The following SSH2 variants were observed in gnomAD, a reference collection of about 807,000 sequenced individuals.
The protein encoded by SSH2 is slingshot protein phosphatase 2.
A neutral mutation model predicts 135.2 loss-of-function variants in SSH2; 37 were observed. That is an observed-to-expected ratio of 0.27 (90% CI 0.21 to 0.36). The LOEUF (loss-of-function observed/expected upper bound fraction) is 0.36. Ranked by LOEUF, SSH2 falls within the 10% of genes least tolerant of loss-of-function variation. SSH2 has a pLI of 1.00. For missense variants in SSH2, 1,408 were observed against 1,765.3 expected, an observed-to-expected ratio of 0.80 and a Z score of 3.63; for synonymous variants, 628 against 646.2, an observed-to-expected ratio of 0.97 and a Z score of 0.43.
chr17:29,814,835 T>A (rs1024122896), intron 2 of SSH2, among the ~76,000 whole-genome samples: 1 of 152,122 alleles, frequency 6.6e-6, no homozygotes, highest in Admixed American at 6.5e-5. Flanking sequence ...TACTTTCTTA[T>A]ATATGACCAT....
chr17:29,769,125 A>G (rs1446613383), intron 3 of SSH2, among the ~76,000 whole-genome samples: 2 of 152,220 alleles, frequency 1.3e-5, no homozygotes, highest in East Asian at 1.9e-4. Flanking sequence ...CTATGATTCT[A>G]TTATTATCTC....
intron 11 of SSH2, among the ~76,000 whole-genome samples, chr17:29,661,135 A>G (rs1204782590): frequency 6.6e-6 from 1 of 151,272 alleles, no homozygotes; most frequent in Non-Finnish European, 1.5e-5. Flanking sequence ...TATCTCATCC[A>G]TAGCACTTGG....
intron 4 of SSH2, among the ~76,000 whole-genome samples, chr17:29,700,765 G>A (rs892870028): frequency 2.0e-5 from 3 of 152,098 alleles, no homozygotes; most frequent in Admixed American, 2.0e-4. Context: ...AAGTAATTCT[G>A]AATAAGATTC....
Position 29,725,217 on chromosome 17 carries a change from C to A in SSH2, c.189-22155G>T, listed in dbSNP as rs189745460. Among the ~76,000 whole-genome samples, 32 of 151,336 alleles carry A rather than the reference C, an allele frequency of 2.1e-4. 2 individuals carry two copies. In the East Asian group the frequency reaches 4.5e-3, roughly 21 times the overall value. ...AAAAAATTAGCCGGGCATGGTGGTG[C>A]GTGCCTGTAGTCCCAGCTACTCAGG... is the stretch of plus-strand genomic sequence containing the variant. On this transcript the variant is annotated intron_variant, in intron 3 of 15. Coordinates refer to ENST00000540801, the MANE Select transcript of SSH2 (RefSeq NM_001282129.2).
intron 3 of SSH2, among the ~76,000 whole-genome samples, chr17:29,712,066 G>A (rs1030369406): frequency 6.6e-6 from 1 of 152,188 alleles, no homozygotes; most frequent in African/African-American, 2.4e-5. Flanking sequence ...TATGTAAAAT[G>A]TACACTGGTT....
intron 2 of SSH2, among the ~76,000 whole-genome samples, chr17:29,835,089 C>T (rs1427510614): frequency 6.6e-6 from 1 of 152,170 alleles, no homozygotes; most frequent in Non-Finnish European, 1.5e-5. Flanking sequence ...AGGTAAGATG[C>T]ATATATGACT....
chr17:29,689,343 T>C (rs1028880383), intron 5 of SSH2, among the ~76,000 whole-genome samples: 3 of 152,200 alleles, frequency 2.0e-5, no homozygotes, highest in Admixed American at 6.5e-5. Context: ...AAATTTAAAA[T>C]GGCAATTTTG....
chr17:29,770,092 G>GTT (rs563803251), intron 3 of SSH2, among the ~76,000 whole-genome samples: 4,079 of 72,586 alleles, frequency 0.056, 395 homozygotes, highest in African/African-American at 0.14. Flanking sequence ...GCTATATTTA[G>GTT]TTTTTTTTTT....
Position 29,666,969 on chromosome 17 carries a change from C to T in SSH2, c.930G>A (p.Met310Ile). 2 of 1,614,048 alleles carry T rather than the reference C, an allele frequency of 1.2e-6. No individual in the cohort carries two copies. The highest frequency in any genetic ancestry group is 1.7e-6 in the Non-Finnish European group (2 of 1,179,972). Residue 310 changes from methionine (M) to isoleucine (I), a missense_variant, in exon 11 of 16, where the codon ATG (methionine) becomes ATA (isoleucine). By Grantham distance (10) the Met-to-Ile change is conservative (BLOSUM62 1). This residue lies in a region of SSH2 where 106 missense variants were observed against 265.2 expected (regional missense o/e 0.40). Coordinates refer to ENST00000540801, the MANE Select transcript of SSH2 (RefSeq NM_001282129.2). ...KEIRTELEMQ[M>I]VCNLREFKEF... ...CCTTGAATTCCCGCAAGTTGCACAC[C>T]ATTTGCATTTCCAACTCTGTTCTTA...
intron 3 of SSH2, among the ~76,000 whole-genome samples, chr17:29,709,170 T>C (rs1220083598): frequency 6.6e-6 from 1 of 151,944 alleles, no homozygotes; most frequent in African/African-American, 2.4e-5. Flanking sequence ...CCAATATACA[T>C]GTAAGAGACT....
At position 29,695,482 on chromosome 17, in the gene SSH2, G is replaced by T. The variant is rs1405518051; in HGVS notation, c.334C>A (p.Arg112Ser). The T allele has an allele frequency of 6.2e-7, 1 of 1,612,262 alleles. No homozygotes were observed. The highest frequency in any genetic ancestry group is 8.5e-7 in the Non-Finnish European group (1 of 1,179,216). ...ACCAGCCTGATGTTGTCTTCTGGGCGGAGTAAAATGAACATTGCTTGGAGA... is the reference window on the plus strand; with the variant it reads ...ACCAGCCTGATGTTGTCTTCTGGGCTGAGTAAAATGAACATTGCTTGGAGA... ...QHLQAMFILL[R>S]PEDNIRLAVR... Residue 112 changes from arginine to serine, a missense_variant, in exon 5 of 16, where the codon CGC becomes AGC. Physicochemically the swap from Arg to Ser is moderately radical, Grantham distance 110. This residue lies in a region of SSH2 where 222 missense variants were observed against 355.6 expected (regional missense o/e 0.62). Transcript: ENST00000540801.
chr17:29,850,239 AG>A (rs2151389222), intron 1 of SSH2, among the ~76,000 whole-genome samples: 1 of 152,324 alleles, frequency 6.6e-6, no homozygotes, highest in African/African-American at 2.4e-5. Context: ...AACTCAAAAA[AG>A]GGAACAGAAA....
chr17:29,779,810 CAAAAAAAAAA>C (rs56789691), intron 3 of SSH2, among the ~76,000 whole-genome samples: 1,300 of 19,480 alleles, frequency 0.067, 9 homozygotes, highest in Non-Finnish European at 0.094. Context: ...GACTCTGTCT[CAAAAAAAAAA>C]AAAAAAAAAA....
chr17:29,666,398 G>A (rs1419839078), intron 11 of SSH2, among the ~76,000 whole-genome samples: 1 of 151,340 alleles, frequency 6.6e-6, no homozygotes, highest in Non-Finnish European at 1.5e-5. Flanking sequence ...AATTAAAAAT[G>A]AGGGCCAGGC....
At chr17:29,791,259 T>C (rs1470279950) in intron 3 of SSH2, among the ~76,000 whole-genome samples, 3 of 151,962 alleles carry the variant, frequency 2.0e-5, no homozygotes, top group Non-Finnish European at 4.4e-5. Flanking sequence ...TAATTTTTTG[T>C]ATTTTTAGCA....
chr17:29,746,634 G>A (rs1250630923), intron 3 of SSH2, among the ~76,000 whole-genome samples: 1 of 151,010 alleles, frequency 6.6e-6, no homozygotes, highest in Non-Finnish European at 1.5e-5. Context: ...TGAGAACTGT[G>A]TATATTAACA....
At chr17:29,640,740 T>A (rs547759264) in intron 14 of SSH2, 1 of 152,232 alleles carries the variant, frequency 6.6e-6, no homozygotes, top group Non-Finnish European at 1.5e-5. Flanking sequence ...CACTTCTCAC[T>A]CAGGGGTCCC....
intron 1 of SSH2, among the ~76,000 whole-genome samples, chr17:29,900,893 TGA>T (rs1305052869): frequency 6.6e-6 from 1 of 152,094 alleles, no homozygotes; most frequent in Non-Finnish European, 1.5e-5. Context: ...TGTCCAACAA[TGA>T]GAGACTAGAT....
chr17:29,836,964 T>C (rs952529501), intron 2 of SSH2, among the ~76,000 whole-genome samples: 8 of 152,056 alleles, frequency 5.3e-5, no homozygotes, highest in African/African-American at 1.7e-4. Flanking sequence ...ACTAAGAAAA[T>C]AGACATCTTA....
Sources: gnomAD v4.1 joint callset for allele counts (sites outside exome capture counted in the v4.1 genomes callset) on GRCh38, gnomAD v4.1.1 for gene constraint, gnomAD v4.1.1 regional missense constraint, MANE v1.5 for transcripts, NCBI Gene and HGNC (gene_info 2026-07-23, HGNC 2026-07-21) for gene names.